The following GABRB2 variants were observed in gnomAD, a reference collection of about 807,000 sequenced individuals.
The protein encoded by GABRB2 is gamma-aminobutyric acid type A receptor subunit beta2.
Under a neutral mutation model 54.7 loss-of-function variants are expected in GABRB2, and 16 were observed. That is an observed-to-expected ratio of 0.29 (90% CI 0.20 to 0.44). GABRB2 has a LOEUF of 0.44. GABRB2 is among the 20% of genes least tolerant of loss of function. The probability of loss-of-function intolerance (pLI) is 1.00; values close to 1 mark genes in which losing one functional copy is unlikely to be tolerated. For missense variants in GABRB2, 355 were observed against 644.0 expected, an observed-to-expected ratio of 0.55 and a Z score of 4.86; for synonymous variants, 244 against 233.8, an observed-to-expected ratio of 1.04 and a Z score of -0.40.
At chr5:161,534,423 CT>C (rs1303379563) in intron 3 of GABRB2, among the ~76,000 whole-genome samples, 1 of 152,174 alleles carries the variant, frequency 6.6e-6, no homozygotes, top group East Asian at 1.9e-4. Context: ...AAGAAAAATA[CT>C]TTCTCTGACT....
chr5:161,536,171 A>G (rs1293512757), intron 3 of GABRB2, among the ~76,000 whole-genome samples: 5 of 152,212 alleles, frequency 3.3e-5, no homozygotes, highest in Admixed American at 3.3e-4. Flanking sequence ...TAAATGGACT[A>G]AGACAAGTAG....
intron 3 of GABRB2, among the ~76,000 whole-genome samples, chr5:161,535,458 G>C (rs1449377667): frequency 6.6e-6 from 1 of 151,848 alleles, no homozygotes; most frequent in African/African-American, 2.4e-5. Context: ...AAAAATAAGA[G>C]TAAAAACAAC....
intron 9 of GABRB2, 135 bp downstream of exon 9, chr5:161,326,233 A>T: frequency 7.9e-7 from 1 of 1,257,946 alleles, no homozygotes; most frequent in Non-Finnish European, 1.1e-6. Context: ...AAAAAGTTTT[A>T]ACTTATCCCC....
intron 3 of GABRB2, among the ~76,000 whole-genome samples, chr5:161,512,416 C>T (rs1759801211): frequency 6.6e-6 from 1 of 151,678 alleles, no homozygotes; most frequent in African/African-American, 2.4e-5. Context: ...TAAAGTTACA[C>T]GCATACAGCC....
chr5:161,389,481 C>A (rs145779424), intron 5 of GABRB2, among the ~76,000 whole-genome samples: 91 of 151,946 alleles, frequency 6.0e-4, no homozygotes, highest in African/African-American at 2.1e-3. Context: ...TAATATATCT[C>A]ATATTCATTA....
intron 4 of GABRB2, among the ~76,000 whole-genome samples, chr5:161,444,779 A>T (rs1757571058): frequency 6.6e-6 from 1 of 152,054 alleles, no homozygotes; most frequent in Admixed American, 6.6e-5. Flanking sequence ...GATTTTTTTC[A>T]CCTCATTTAA....
intron 3 of GABRB2, among the ~76,000 whole-genome samples, chr5:161,515,541 A>G (rs1357156531): frequency 2.6e-5 from 4 of 152,156 alleles, no homozygotes; most frequent in Non-Finnish European, 5.9e-5. Context: ...GGTATGCTTC[A>G]CATATCCTAT....
At chr5:161,538,175 T>C (rs1760701933) in intron 3 of GABRB2, among the ~76,000 whole-genome samples, 2 of 152,246 alleles carry the variant, frequency 1.3e-5, no homozygotes, top group African/African-American at 4.8e-5. Context: ...GTGTAGCAAA[T>C]AATAAATTAC....
At chr5:161,520,519 T>C (rs557601024) in intron 3 of GABRB2, among the ~76,000 whole-genome samples, 1 of 152,246 alleles carries the variant, frequency 6.6e-6, no homozygotes, top group East Asian at 1.9e-4. Context: ...TTTCATCCTA[T>C]ATGATAATAT....
intron 9 of GABRB2, among the ~76,000 whole-genome samples, chr5:161,303,937 T>C (rs887519803): frequency 6.6e-6 from 1 of 152,210 alleles, no homozygotes; most frequent in Non-Finnish European, 1.5e-5. Context: ...CGTGTTTCCT[T>C]TATGATGGGA....
intron 3 of GABRB2, among the ~76,000 whole-genome samples, chr5:161,508,387 A>G (rs1007041802): frequency 1.2e-4 from 18 of 150,406 alleles, no homozygotes; most frequent in Admixed American, 1.1e-3. Flanking sequence ...ATTGACATGA[A>G]TAGCAATGTT....
At position 161,394,906 on chromosome 5, in the gene GABRB2, AT is replaced by A. The variant is rs551777775; in HGVS notation, c.541+16068del. ...CTAAAAAGGCATTTCCAAAAGAAAA[AT>A]AAATAGGAGTTACAATCCAATATCC... On this transcript the variant is annotated intron_variant, in intron 5 of 9. Transcript: ENST00000393959. Among the ~76,000 whole-genome samples, 5 of 152,248 alleles carry A rather than the reference AT, an allele frequency of 3.3e-5. No individual in the cohort carries two copies. In the East Asian group the frequency reaches 9.6e-4, roughly 29 times the overall value.
chr5:161,538,177 ATAAATTACTACT>A (rs1284392215), intron 3 of GABRB2, among the ~76,000 whole-genome samples: 1 of 152,140 alleles, frequency 6.6e-6, no homozygotes, highest in Non-Finnish European at 1.5e-5. Flanking sequence ...GTAGCAAATA[ATAAATTACTACT>A]ATAGAAGTGA....
At chr5:161,406,746 T>C (rs914665145) in intron 5 of GABRB2, among the ~76,000 whole-genome samples, 1 of 152,032 alleles carries the variant, frequency 6.6e-6, no homozygotes, top group African/African-American at 2.4e-5. Flanking sequence ...CCAGCAACAA[T>C]TGGTTTCTGA....
rs77217549 is a variant in GABRB2 at position 161,536,050 on chromosome 5, C to T, written c.237+9177G>A. Among the ~76,000 whole-genome samples the T allele has an allele frequency of 8.9e-4, 135 of 152,216 alleles. 3 individuals carry two copies. In the East Asian group the frequency reaches 0.024, roughly 27 times the overall value. ...AGTTGAAGCAGCCTGATGAGGACCT[C>T]ACCAGATGCAGATGTTCAATCTTGA... On this transcript the variant is annotated intron_variant, in intron 3 of 9. Transcript: ENST00000393959.
chr5:161,427,143 A>C (rs571515227), intron 4 of GABRB2, among the ~76,000 whole-genome samples: 18 of 152,244 alleles, frequency 1.2e-4, no homozygotes, highest in Non-Finnish European at 2.2e-4. Context: ...CTGGATATTA[A>C]AATCTGAAAA....
At chr5:161,430,402 T>A (rs1757142536) in intron 4 of GABRB2, among the ~76,000 whole-genome samples, 2 of 152,128 alleles carry the variant, frequency 1.3e-5, no homozygotes, top group Admixed American at 1.3e-4. Context: ...ATGTTGTGAG[T>A]GTTAGCCCAC....
At position 161,410,923 on chromosome 5, in the gene GABRB2, G is replaced by A. The variant is rs183653425; in HGVS notation, c.541+52C>T. The A allele has an allele frequency of 9.0e-5, 127 of 1,404,602 alleles. No homozygotes were observed. In the African/African-American group the frequency reaches 9.0e-4, roughly 10 times the overall value. The allele number at this position is 1,404,602 out of a possible 1,614,324, so 87.0% of individuals were successfully genotyped here. A position where few individuals can be genotyped will look rare whatever the true frequency, so the allele number is the denominator to read the frequency against. On this transcript the variant is annotated intron_variant, in intron 5 of 9. Coordinates refer to ENST00000393959, the MANE Select transcript of GABRB2 (RefSeq NM_001371727.1). ...ATGAGCCAGGACTGGAGGCCTCTGC[G>A]TAAGAACCTTAAAGCAGAGTCCAGT...
rs146361112 is a variant in GABRB2, at chr5:161,406,517, A to G, written c.541+4458T>C. ...AAATATAACCACCAAAACTGGGATT[A>G]TTATAGTAATAATAATTATTAATTG... is the stretch of plus-strand genomic sequence containing the variant. On this transcript the variant is annotated intron_variant, in intron 5 of 9. Coordinates refer to ENST00000393959, the MANE Select transcript of GABRB2 (RefSeq NM_001371727.1). Among the ~76,000 whole-genome samples the G allele has an allele frequency of 7.4e-3, 1,133 of 152,166 alleles. 15 individuals carry two copies. The highest frequency in any genetic ancestry group is 0.025 in the African/African-American group (1,025 of 41,554).
Sources: gnomAD v4.1 joint callset for allele counts (sites outside exome capture counted in the v4.1 genomes callset) on GRCh38, gnomAD v4.1.1 for gene constraint, MANE v1.5 for transcripts, NCBI Gene and HGNC (gene_info 2026-07-23, HGNC 2026-07-21) for gene names.